The following RGMA variants were observed in gnomAD, a reference collection of about 807,000 sequenced individuals.
The protein encoded by RGMA is repulsive guidance molecule A.
A neutral mutation model predicts 23.2 loss-of-function variants in RGMA; 10 were observed. The observed-to-expected ratio is 0.43, with a 90% confidence interval of 0.27 to 0.73. RGMA has a LOEUF of 0.73. Among genes scored for constraint, RGMA ranks in the 30% least tolerant of loss-of-function variants. The pLI is 0.20. For synonymous variants in RGMA, 308 were observed against 279.3 expected (o/e 1.10, Z -1.03); for missense variants, 547 against 630.5 (o/e 0.87, Z 1.42).
In RGMA at chr15:93,052,161, G is replaced by T; in HGVS notation, c.477C>A (p.Asn159Lys). 1 of 1,613,624 alleles carries T rather than the reference G, an allele frequency of 6.2e-7. No homozygotes were observed. Among genetic ancestry groups the T allele is most frequent in the African/African-American group, 1.3e-5 (1 of 75,052 alleles). The change falls in exon 3 of 4, where the codon AAC (asparagine) becomes AAA (lysine). Residue 159 changes from asparagine (N) to lysine (K), a missense_variant. Coordinates refer to ENST00000329082, the MANE Select transcript of RGMA (RefSeq NM_020211.3). ...CCCCGAAGAGGCCACAGTGCGTGTA[G>T]TTGGGGGTGGCCGAGTGCTTGTGAA... ...KSFHKHSATP[N>K]YTHCGLFGDP...
rs1345097643 is a variant in RGMA, at chr15:93,037,248, C to T, written c.*7750G>A. Reference sequence around the variant, plus strand: ...AGCTGAGATAGCTGAGGCTGCAAAACAAGGAAAACCCACCCTTTTCATGCA... The same window carrying T: ...AGCTGAGATAGCTGAGGCTGCAAAATAAGGAAAACCCACCCTTTTCATGCA... On this transcript the variant is annotated 3_prime_UTR_variant, in exon 4 of 4. Transcript: ENST00000329082. The surrounding 1 kb of genome is among the most constrained non-coding windows in gnomAD (Gnocchi z 4.3). 6.6e-6 allele frequency: 1 copy of T among 152,220 alleles called. No individual in the cohort carries two copies. The highest frequency in any genetic ancestry group is 1.5e-5 in the Non-Finnish European group (1 of 68,038). 9.4% of individuals were successfully genotyped at this position (152,220 alleles called of 1,614,324 possible). A position where few individuals can be genotyped will look rare whatever the true frequency, so the allele number is the denominator to read the frequency against.
chr15:93,062,081 G>C (rs543735658), intron 2 of RGMA, among the ~76,000 whole-genome samples: 1 of 151,908 alleles, frequency 6.6e-6, no homozygotes, highest in African/African-American at 2.4e-5. Flanking sequence ...GGGGTGAGCC[G>C]GAGAGGGAAA....
At chr15:93,058,058 T>G (rs998960901) in intron 2 of RGMA, among the ~76,000 whole-genome samples, 1 of 152,190 alleles carries the variant, frequency 6.6e-6, no homozygotes, top group African/African-American at 2.4e-5. Flanking sequence ...GGTGAGAAAC[T>G]CTGGGTCCTG....
intron 1 of RGMA, among the ~76,000 whole-genome samples, chr15:93,076,955 G>A (rs1310001756): frequency 6.6e-6 from 1 of 152,182 alleles, no homozygotes; most frequent in East Asian, 1.9e-4. Context: ...GAACACAGGC[G>A]CCAGGGGGCT....
intron 2 of RGMA, among the ~76,000 whole-genome samples, chr15:93,063,380 C>G (rs1895034930): frequency 6.6e-6 from 1 of 152,256 alleles, no homozygotes; most frequent in African/African-American, 2.4e-5. Flanking sequence ...CCCACCCTCT[C>G]CTGTCCTTTG....
chr15:93,059,546 G>C (rs1005057480), intron 2 of RGMA, among the ~76,000 whole-genome samples: 10 of 152,176 alleles, frequency 6.6e-5, no homozygotes, highest in African/African-American at 2.2e-4. Context: ...GCTCCCCTCT[G>C]CCATCTCTCC....
At chr15:93,066,408 G>A (rs1250231514) in intron 2 of RGMA, 18 of 678,404 alleles carry the variant, frequency 2.7e-5, no homozygotes, top group South Asian at 2.4e-4. Flanking sequence ...AACGGGGGGC[G>A]GGGGTTTCCA....
rs1185571787 is a variant in RGMA, at chr15:93,038,569, GTTTTTTTTT to G, written c.*6420_*6428del. 4.0e-5 allele frequency: 4 copies of G among 100,224 alleles called. No homozygotes were observed. The highest frequency in any genetic ancestry group is 1.3e-4 in the African/African-American group (4 of 30,862). 6.2% of individuals were successfully genotyped at this position (100,224 alleles called of 1,614,324 possible). A position where few individuals can be genotyped will look rare whatever the true frequency, so the allele number is the denominator to read the frequency against. ...GCCTTAATGAACGAAACTGTTAGTTGTTTTTTTTTTTTTTTTGAGACGGTGTCTTGCTCT... is the reference window on the plus strand; with the variant it reads ...GCCTTAATGAACGAAACTGTTAGTTGTTTTTTTGAGACGGTGTCTTGCTCT... On this transcript the variant is annotated 3_prime_UTR_variant, in exon 4 of 4. Transcript: ENST00000329082.
chr15:93,070,352 C>T (rs775948097), intron 2 of RGMA, among the ~76,000 whole-genome samples: 1 of 152,210 alleles, frequency 6.6e-6, no homozygotes, highest in African/African-American at 2.4e-5. Flanking sequence ...GAGGCTTTCA[C>T]GCAGTTGCTC....
chr15:93,042,917 G>A lies in RGMA; in HGVS notation c.*2081C>T, dbSNP rs2054743090. 1 of 152,272 alleles carries A rather than the reference G, an allele frequency of 6.6e-6. No homozygotes were observed. The highest frequency in any genetic ancestry group is 2.4e-5 in the African/African-American group (1 of 41,450). The allele number at this position is 152,272 out of a possible 1,614,324, so 9.4% of individuals were successfully genotyped here. ...TCCAGGCTGATAGCAGTGGCTGAGA[G>A]GGAGTCATCCCAGATCTCAGGCTAT... On this transcript the variant is annotated 3_prime_UTR_variant, in exon 4 of 4. Coordinates refer to ENST00000329082, the MANE Select transcript of RGMA (RefSeq NM_020211.3).
intron 1 of RGMA, chr15:93,073,564 T>C: frequency 1.3e-6 from 2 of 1,530,444 alleles, no homozygotes; most frequent in Non-Finnish European, 1.7e-6. Context: ...CCAGCCCTAC[T>C]TTCCAACCAG....
chr15:93,048,835 T>C (rs1181800970), intron 3 of RGMA, among the ~76,000 whole-genome samples: 2 of 130,236 alleles, frequency 1.5e-5, no homozygotes, highest in African/African-American at 2.9e-5. Context: ...TGGGTGGTCC[T>C]GCCATGGGGG....
chr15:93,058,196 G>A (rs1469356201), intron 2 of RGMA, among the ~76,000 whole-genome samples: 2 of 152,236 alleles, frequency 1.3e-5, no homozygotes, highest in Admixed American at 1.3e-4. Context: ...GAACTGGAGA[G>A]AATTCAGGGT....
At chr15:93,066,179 C>G (rs745688552) in intron 2 of RGMA, 2 of 1,426,044 alleles carry the variant, frequency 1.4e-6, no homozygotes, top group Non-Finnish European at 2.0e-6. Flanking sequence ...GCACCCTTCT[C>G]TCCTTCCACG....
chr15:93,061,331 A>T (rs4778088), intron 2 of RGMA, among the ~76,000 whole-genome samples: 1 of 151,908 alleles, frequency 6.6e-6, no homozygotes, highest in African/African-American at 2.4e-5. Context: ...TTTTTATTTC[A>T]GTAGAGATGG....
intron 2 of RGMA, among the ~76,000 whole-genome samples, chr15:93,057,755 CACCT>C (rs2055037538): frequency 6.6e-6 from 1 of 152,192 alleles, no homozygotes; most frequent in South Asian, 2.1e-4. Context: ...GACTTAACTT[CACCT>C]ACCCCATTTT....
chr15:93,050,641 C>T (rs890869798), intron 3 of RGMA, among the ~76,000 whole-genome samples: 2 of 152,232 alleles, frequency 1.3e-5, no homozygotes, highest in Non-Finnish European at 2.9e-5. Flanking sequence ...GCAGCCCAGC[C>T]TCCCTGCACA....
At chr15:93,068,885 G>A (rs1203829075) in intron 2 of RGMA, among the ~76,000 whole-genome samples, 1 of 152,232 alleles carries the variant, frequency 6.6e-6, no homozygotes, top group East Asian at 1.9e-4. Context: ...GGACAGAGCT[G>A]TAAGGCACCA....
rs549915492 is a variant in RGMA, at chr15:93,047,210, C to T, written c.646-1505G>A. 2.9e-3 allele frequency among the ~76,000 whole-genome samples: 445 copies of T among 152,256 alleles called. 2 individuals are homozygous for T. The highest frequency in any genetic ancestry group is 0.01 in the African/African-American group (421 of 41,536). ...AGGGGAGCAGGTGAGTTTCCTCTGC[C>T]GTCCGCGTCCTGGGTGGCGTCTGGC... On this transcript the variant is annotated intron_variant, in intron 3 of 3. Transcript: ENST00000329082.
Sources: gnomAD v4.1 joint callset for allele counts (sites outside exome capture counted in the v4.1 genomes callset) on GRCh38, gnomAD v4.1.1 for gene constraint, Gnocchi (gnomAD v3.1) non-coding constraint, MANE v1.5 for transcripts, NCBI Gene and HGNC (gene_info 2026-07-23, HGNC 2026-07-21) for gene names.